Variants in KLHL26 observed in about 807,000 individuals in gnomAD.
KLHL26 encodes kelch-like protein 26.
Under a neutral mutation model 7.1 loss-of-function variants are expected in KLHL26, and 4 were observed. The ratio of observed to expected loss-of-function variants is 0.56; its 90% CI spans 0.28 to 1.28. The LOEUF (loss-of-function observed/expected upper bound fraction) is 1.28, where lower values mean the gene tolerates loss of function less well. Ranked by LOEUF, KLHL26 falls within the 50% of genes most tolerant of loss-of-function variation. KLHL26 has a pLI of 0.11. For synonymous variants in KLHL26, 465 were observed against 414.1 expected, an observed-to-expected ratio of 1.12 and a Z score of -1.49; for missense variants, 896 against 924.6, an observed-to-expected ratio of 0.97 and a Z score of 0.40.
chr19:18,643,520 C>T (rs1976751189), intron 1 of KLHL26, among the ~76,000 whole-genome samples: 1 of 151,426 alleles, frequency 6.6e-6, no homozygotes, highest in Non-Finnish European at 1.5e-5. Context: ...CTCTTGTTGT[C>T]CAGGCTATAG....
rs1285617086 is a variant in KLHL26 at position 18,648,140 on chromosome 19, G to T, written c.83+11003G>T. Among the ~76,000 whole-genome samples the T allele has an allele frequency of 1.3e-5, 2 of 152,172 alleles. No homozygotes were observed. Among genetic ancestry groups the T allele is most frequent in the African/African-American group, 2.4e-5 (1 of 41,438 alleles). On this transcript the variant is annotated intron_variant, in intron 1 of 2. Coordinates refer to ENST00000300976, the MANE Select transcript of KLHL26 (RefSeq NM_018316.3). The surrounding 1 kb of genome is among the most constrained non-coding windows in gnomAD (Gnocchi z 4.9). ...TCCCAGCACATTGGGAGGCCAAGGC[G>T]GGTAGATCACTTGAGGTCAGGAGTT...
intron 1 of KLHL26, among the ~76,000 whole-genome samples, chr19:18,645,422 G>A (rs930591766): frequency 6.6e-6 from 1 of 152,274 alleles, no homozygotes; most frequent in Admixed American, 6.5e-5. Context: ...CCCTGGAGAC[G>A]CCTGGGTAGG....
At chr19:18,642,382 T>TGTGTGTGTGTGTGTG (rs71168756) in intron 1 of KLHL26, among the ~76,000 whole-genome samples, 34 of 150,400 alleles carry the variant, frequency 2.3e-4, no homozygotes, top group East Asian at 2.2e-3. Context: ...TGTGTGTGTG[T>TGTGTGTGTGTGTGTG]TTGAGATGGA....
rs1018870752 is a variant in KLHL26 at position 18,656,703 on chromosome 19, G to A, written c.84-7558G>A. Among the ~76,000 whole-genome samples, 1 of 142,266 alleles carries A rather than the reference G, an allele frequency of 7.0e-6. No individual in the cohort carries two copies. The highest frequency in any genetic ancestry group is 1.5e-5 in the Non-Finnish European group (1 of 65,316). The allele number at this position is 142,266 out of a possible 152,430, so 93.3% of individuals were successfully genotyped here. On this transcript the variant is annotated intron_variant, in intron 1 of 2. Coordinates refer to ENST00000300976, the MANE Select transcript of KLHL26 (RefSeq NM_018316.3). This position sits in a 1 kb window ranked among gnomAD's most constrained non-coding sequence, Gnocchi z 4.4. ...CGAGCCCTGTCTGCCTCAGTAGCGC[G>A]GGGCTCTTGGAGGAGGCTTGAGGGT...
At chr19:18,661,196 A>G (rs552183595) in intron 1 of KLHL26, among the ~76,000 whole-genome samples, 26 of 152,278 alleles carry the variant, frequency 1.7e-4, no homozygotes, top group Middle Eastern at 6.8e-3. Context: ...GGCTTGGCCC[A>G]GGCTGCTGGC....
chr19:18,652,736 C>T (rs1600693676), intron 1 of KLHL26, among the ~76,000 whole-genome samples: 2 of 152,336 alleles, frequency 1.3e-5, no homozygotes, highest in South Asian at 2.1e-4. Context: ...CCCCTCCCAT[C>T]CTGGCTTGTA....
rs371027866 is a variant in KLHL26 at position 18,668,299 on chromosome 19, G to A, written c.902G>A (p.Arg301His). 6 of 1,611,404 alleles carry A rather than the reference G, an allele frequency of 3.7e-6. No individual in the cohort carries two copies. Among genetic ancestry groups the A allele is most frequent in the African/African-American group, 2.7e-5 (2 of 74,924 alleles). Reference protein sequence around the residue: ...PFRQHEMQSPRTAVRSDVPSL... With the variant: ...PFRQHEMQSPHTAVRSDVPSL... ...CGGCAGCACGAGATGCAGTCTCCGC[G>A]CACCGCCGTGCGCTCGGATGTGCCC... Residue 301 changes from arginine (R) to histidine (H), a missense_variant, in exon 3 of 3, where the codon CGC (arginine) becomes CAC (histidine). Arg to His is a conservative substitution (Grantham distance 29, BLOSUM62 0). Transcript: ENST00000300976.
rs1976879830 is a variant in KLHL26, at chr19:18,650,169, G to A, written c.83+13032G>A. On this transcript the variant is annotated intron_variant, in intron 1 of 2. Coordinates refer to ENST00000300976, the MANE Select transcript of KLHL26 (RefSeq NM_018316.3). The surrounding 1 kb of genome is among the most constrained non-coding windows in gnomAD (Gnocchi z 4.2). The stretch of plus-strand genomic sequence containing the variant: ...ACGCCACAACTGTGAAATTCCACAG[G>A]GGTCAAAGACGGACCCGGGCGGGAG... 6.6e-6 allele frequency among the ~76,000 whole-genome samples: 1 copy of A among 152,156 alleles called. No individual in the cohort carries two copies. The highest frequency in any genetic ancestry group is 1.5e-5 in the Non-Finnish European group (1 of 68,020).
rs2052516796 is a variant in KLHL26, at chr19:18,670,474, T to TA, written c.*1231dup. On this transcript the variant is annotated 3_prime_UTR_variant, in exon 3 of 3. Transcript: ENST00000300976. ...TCGTCTCCTAATATTTCCCTTTATTTAATAAAAATGTTATGGTGAAGAGAT... is the reference window on the plus strand; with the variant it reads ...TCGTCTCCTAATATTTCCCTTTATTTAAATAAAAATGTTATGGTGAAGAGAT... 6.6e-6 allele frequency: 1 copy of TA among 152,164 alleles called. No individual in the cohort carries two copies. The highest frequency in any genetic ancestry group is 1.5e-5 in the Non-Finnish European group (1 of 68,034). The allele number at this position is 152,164 out of a possible 1,614,324, so 9.4% of individuals were successfully genotyped here.
Position 18,649,586 on chromosome 19 carries a change from C to T in KLHL26, c.83+12449C>T, listed in dbSNP as rs368014310. On this transcript the variant is annotated intron_variant, in intron 1 of 2. Coordinates refer to ENST00000300976, the MANE Select transcript of KLHL26 (RefSeq NM_018316.3). The surrounding 1 kb of genome is among the most constrained non-coding windows in gnomAD (Gnocchi z 4.0). ...TCAGCCCTGCATGTTAAAGCAAAGG[C>T]GGCAAACGACAGCCGCTCTCTCCCT... is the stretch of plus-strand genomic sequence containing the variant. Among the ~76,000 whole-genome samples, 3 of 152,354 alleles carry T rather than the reference C, an allele frequency of 2.0e-5. No individual in the cohort carries two copies. Among genetic ancestry groups the T allele is most frequent in the East Asian group, 1.9e-4 (1 of 5,186 alleles).
intron 1 of KLHL26, among the ~76,000 whole-genome samples, chr19:18,655,461 G>A (rs1251568045): frequency 6.6e-6 from 1 of 152,198 alleles, no homozygotes. Flanking sequence ...GTGTCCCCCT[G>A]CCTCTGTTTA....
rs984292316 is a variant in KLHL26 at position 18,656,693 on chromosome 19, T to C, written c.84-7568T>C. Among the ~76,000 whole-genome samples the C allele has an allele frequency of 3.1e-5, 3 of 96,442 alleles. No homozygotes were observed. The highest frequency in any genetic ancestry group is 5.8e-5 in the Non-Finnish European group (3 of 51,872). 63.3% of individuals were successfully genotyped at this position (96,442 alleles called of 152,430 possible). A position where few individuals can be genotyped will look rare whatever the true frequency, so the allele number is the denominator to read the frequency against. On this transcript the variant is annotated intron_variant, in intron 1 of 2. Transcript: ENST00000300976. The surrounding 1 kb of genome is among the most constrained non-coding windows in gnomAD (Gnocchi z 4.4). The stretch of plus-strand genomic sequence containing the variant: ...CAACTCACGGCGAGCCCTGTCTGCC[T>C]CAGTAGCGCGGGGCTCTTGGAGGAG...
rs554063112 is a variant in KLHL26 at position 18,670,139 on chromosome 19, C to T, written c.*894C>T. ...TTTTTTCTCCTCCCTCCTTTCCACCCCTCCGCGCCCTGCCACTCCCTGGCC... is the reference window on the plus strand; with the variant it reads ...TTTTTTCTCCTCCCTCCTTTCCACCTCTCCGCGCCCTGCCACTCCCTGGCC... On this transcript the variant is annotated 3_prime_UTR_variant, in exon 3 of 3. Transcript: ENST00000300976. The T allele has an allele frequency of 2.0e-5, 3 of 152,272 alleles. No homozygotes were observed. The highest frequency in any genetic ancestry group is 1.9e-4 in the East Asian group (1 of 5,200). 9.4% of individuals were successfully genotyped at this position (152,272 alleles called of 1,614,324 possible).
rs1203122225 is a variant in KLHL26, at chr19:18,650,937, G to A, written c.84-13324G>A. Among the ~76,000 whole-genome samples the A allele has an allele frequency of 6.6e-6, 1 of 152,100 alleles. No homozygotes were observed. The highest frequency in any genetic ancestry group is 1.9e-4 in the East Asian group (1 of 5,186). On this transcript the variant is annotated intron_variant, in intron 1 of 2. Transcript: ENST00000300976. The surrounding 1 kb of genome is among the most constrained non-coding windows in gnomAD (Gnocchi z 4.2). ...GCTGGTGTGCACTGCAGGGAGAGGC[G>A]GCAGCTGGAAAAGTGTTAAGGCCAC...
Position 18,642,314 on chromosome 19 carries a change from C to T in KLHL26, c.83+5177C>T, listed in dbSNP as rs143445716. Among the ~76,000 whole-genome samples, 7 of 148,932 alleles carry T rather than the reference C, an allele frequency of 4.7e-5. No homozygotes were observed. In the East Asian group the frequency reaches 8.0e-4, roughly 17 times the overall value. On this transcript the variant is annotated intron_variant, in intron 1 of 2. Coordinates refer to ENST00000300976, the MANE Select transcript of KLHL26 (RefSeq NM_018316.3). ...CTGACCATGCAAGCTCAAGTAGTCC[C>T]CAGGACACTTTTGCTAGTCACCTAG...
In KLHL26 at chr19:18,668,902, C is replaced by A; in HGVS notation, c.1505C>A (p.Ala502Asp). The A allele has an allele frequency of 6.2e-7, 1 of 1,603,742 alleles. No homozygotes were observed. The highest frequency in any genetic ancestry group is 2.2e-5 in the East Asian group (1 of 44,858). The stretch of plus-strand genomic sequence containing the variant: ...ATGAGCGAACCCCGCGTGCTACACG[C>A]CATGGTGGGTGCCGGCGGCCGCATC... ...APMSEPRVLH[A>D]MVGAGGRIYA... The change falls in exon 3 of 3, where the codon GCC becomes GAC. Residue 502 changes from alanine (A) to aspartate (D), a missense_variant. Physicochemically the swap from Ala to Asp is moderately radical, Grantham distance 126. Transcript: ENST00000300976.
rs1339122807 is a variant in KLHL26, at chr19:18,637,285, GTACTGGAGGAGCCGAGGGC to G, written c.83+154_83+172del. Reference sequence around the variant, plus strand: ...AATTTGGACTTTACGGGGCCGTGGGGTACTGGAGGAGCCGAGGGCTACTGAGGGGGTGGCTGGAGGGGGG... The same window carrying G: ...AATTTGGACTTTACGGGGCCGTGGGGTACTGAGGGGGTGGCTGGAGGGGGG... On this transcript the variant is annotated intron_variant, in intron 1 of 2. Coordinates refer to ENST00000300976, the MANE Select transcript of KLHL26 (RefSeq NM_018316.3). 1.3e-5 allele frequency: 12 copies of G among 893,020 alleles called. No homozygotes were observed. The Admixed American group carries it at 2.2e-4, about 16-fold the overall frequency. The allele number at this position is 893,020 out of a possible 1,614,324, so 55.3% of individuals were successfully genotyped here.
intron 1 of KLHL26, among the ~76,000 whole-genome samples, chr19:18,641,841 C>T (rs1600681705): frequency 6.6e-6 from 1 of 151,652 alleles, no homozygotes; most frequent in Non-Finnish European, 1.5e-5. Context: ...GTTGGTCAGG[C>T]TGGTCTCGAT....
intron 1 of KLHL26, among the ~76,000 whole-genome samples, chr19:18,638,745 G>T (rs1044211228): frequency 3.3e-5 from 5 of 152,026 alleles, no homozygotes; most frequent in African/African-American, 1.2e-4. Flanking sequence ...CAGGTATCTA[G>T]GCTGGAGTGC....
Sources: allele counts gnomAD v4.1 joint callset (sites outside exome capture counted in the v4.1 genomes callset), GRCh38; gene constraint gnomAD v4.1.1; non-coding constraint Gnocchi (gnomAD v3.1); transcripts MANE v1.5; gene names NCBI Gene and HGNC (gene_info 2026-07-23, HGNC 2026-07-21).